Variants in LRRTM4 observed in about 807,000 individuals in gnomAD.
LRRTM4 encodes leucine rich repeat transmembrane neuronal 4, also known as leucine-rich repeat transmembrane neuronal protein 4.
A neutral mutation model predicts 47.6 loss-of-function variants in LRRTM4; 25 were observed. The observed-to-expected ratio is 0.53, with a 90% CI of 0.38 to 0.73. The LOEUF (loss-of-function observed/expected upper bound fraction) is 0.73, where lower values mean the gene tolerates loss of function less well. Among genes scored for constraint, LRRTM4 ranks in the 30% least tolerant of loss-of-function variants. The probability of loss-of-function intolerance (pLI) is 0.00; values close to 1 mark genes in which losing one functional copy is unlikely to be tolerated. For synonymous variants in LRRTM4, 311 were observed against 269.5 expected, an observed-to-expected ratio of 1.15 and a Z score of -1.51; for missense variants, 638 against 713.4, an observed-to-expected ratio of 0.89 and a Z score of 1.20.
intron 3 of LRRTM4, among the ~76,000 whole-genome samples, chr2:77,063,509 C>CT (rs1218816369): frequency 5.9e-5 from 9 of 152,116 alleles, no homozygotes; most frequent in Non-Finnish European, 7.4e-5. Flanking sequence ...AAAAATAGAG[C>CT]TTTTTTTAAT....
intron 3 of LRRTM4, among the ~76,000 whole-genome samples, chr2:76,891,416 T>C (rs1673250798): frequency 1.3e-5 from 2 of 151,798 alleles, no homozygotes; most frequent in South Asian, 4.1e-4. Flanking sequence ...TTAAGTATTT[T>C]AGCAATCGGA....
intron 3 of LRRTM4, among the ~76,000 whole-genome samples, chr2:77,474,979 A>G (rs1224508922): frequency 6.6e-6 from 1 of 152,094 alleles, no homozygotes; most frequent in African/African-American, 2.4e-5. Context: ...CACATGTCCA[A>G]ACTCCACTTC....
intron 3 of LRRTM4, among the ~76,000 whole-genome samples, chr2:77,319,301 C>A (rs1044665656): frequency 2.0e-5 from 3 of 151,914 alleles, no homozygotes; most frequent in African/African-American, 7.3e-5. Context: ...ACAGGAGAAT[C>A]GCTTGAACCC....
Position 77,049,622 on chromosome 2 carries a change from C to A in LRRTM4, c.1552-300706G>T, listed in dbSNP as rs186934269. ...GGAAATGTCCTCTCACCTTATTTGC[C>A]CATTTTTAAATTAAATTAATTTTTT... On this transcript the variant is annotated intron_variant, in intron 3 of 3. Coordinates refer to ENST00000409884, the MANE Select transcript of LRRTM4 (RefSeq NM_001134745.3). Among the ~76,000 whole-genome samples, 733 of 149,606 alleles carry A rather than the reference C, an allele frequency of 4.9e-3. 4 individuals carry two copies. Among genetic ancestry groups the A allele is most frequent in the Non-Finnish European group, 6.7e-3 (454 of 67,272 alleles).
intron 3 of LRRTM4, among the ~76,000 whole-genome samples, chr2:77,196,141 G>A (rs1165207307): frequency 6.6e-6 from 1 of 152,148 alleles, no homozygotes; most frequent in Non-Finnish European, 1.5e-5. Flanking sequence ...TAAGACGGTG[G>A]AAGTGAAGAG....
Position 77,019,575 on chromosome 2 carries a change from G to A in LRRTM4, c.1552-270659C>T, listed in dbSNP as rs544796880. Among the ~76,000 whole-genome samples, 9 of 152,124 alleles carry A rather than the reference G, an allele frequency of 5.9e-5. No homozygotes were observed. In the South Asian group the frequency reaches 1.7e-3, roughly 28 times the overall value. On this transcript the variant is annotated intron_variant, in intron 3 of 3. Coordinates refer to ENST00000409884, the MANE Select transcript of LRRTM4 (RefSeq NM_001134745.3). The stretch of plus-strand genomic sequence containing the variant: ...AATTTAAATCCTTAGCACAATACCT[G>A]GCACACAGTAATTGCTTAAAATGGT...
At chr2:77,441,425 A>C (rs1675837678) in intron 3 of LRRTM4, among the ~76,000 whole-genome samples, 5 of 152,174 alleles carry the variant, frequency 3.3e-5, no homozygotes, top group Admixed American at 3.3e-4. Context: ...TTCCTTATTT[A>C]ATGCTTACAA....
chr2:77,336,050 T>G (rs1332879592), intron 3 of LRRTM4, among the ~76,000 whole-genome samples: 1 of 151,236 alleles, frequency 6.6e-6, no homozygotes, highest in Non-Finnish European at 1.5e-5. Context: ...AAACTACTGA[T>G]CCAGTAGTTT....
intron 3 of LRRTM4, among the ~76,000 whole-genome samples, chr2:76,912,879 G>A (rs868652951): frequency 6.6e-5 from 10 of 152,160 alleles, no homozygotes; most frequent in African/African-American, 2.2e-4. Flanking sequence ...AAGTTTGGAA[G>A]CTTCCTGAGG....
At chr2:77,165,927 T>A (rs1672871571) in intron 3 of LRRTM4, among the ~76,000 whole-genome samples, 2 of 152,220 alleles carry the variant, frequency 1.3e-5, no homozygotes, top group South Asian at 4.2e-4. Context: ...CTCTCACCAC[T>A]CCTAGTCAAC....
chr2:77,265,530 C>T (rs1182297485), intron 3 of LRRTM4, among the ~76,000 whole-genome samples: 2 of 152,110 alleles, frequency 1.3e-5, no homozygotes, highest in African/African-American at 4.8e-5. Flanking sequence ...GGATCTTGAA[C>T]TTCCCAGCCT....
chr2:77,214,229 G>A (rs567172380), intron 3 of LRRTM4, among the ~76,000 whole-genome samples: 42 of 152,180 alleles, frequency 2.8e-4, no homozygotes, highest in African/African-American at 8.7e-4. Context: ...ATGAATGCAC[G>A]GGACAAAGTT....
At chr2:77,023,936 G>C (rs1678361293) in intron 3 of LRRTM4, among the ~76,000 whole-genome samples, 1 of 152,012 alleles carries the variant, frequency 6.6e-6, no homozygotes, top group African/African-American at 2.4e-5. Context: ...TGCTGATAAA[G>C]ACGTACCCAA....
Position 77,519,911 on chromosome 2 carries a change from A to C in LRRTM4, c.5-47T>G. 6.7e-7 allele frequency: 1 copy of C among 1,494,976 alleles called. No individual in the cohort carries two copies. Among genetic ancestry groups the C allele is most frequent in the Non-Finnish European group, 8.9e-7 (1 of 1,121,188 alleles). The allele number at this position is 1,494,976 out of a possible 1,614,324, so 92.6% of individuals were successfully genotyped here. On this transcript the variant is annotated intron_variant, in intron 2 of 3. Coordinates refer to ENST00000409884, the MANE Select transcript of LRRTM4 (RefSeq NM_001134745.3). This position sits in a 1 kb window ranked among gnomAD's most constrained non-coding sequence, Gnocchi z 4.6. ...AGATGCACATTGTGAAGCTATTAAAATAAATCACCGTCGGTTTACCAACAA... is the reference window on the plus strand; with the variant it reads ...AGATGCACATTGTGAAGCTATTAAACTAAATCACCGTCGGTTTACCAACAA...
intron 3 of LRRTM4, among the ~76,000 whole-genome samples, chr2:77,094,841 CAG>C (rs773327639): frequency 3.5e-4 from 54 of 152,180 alleles, no homozygotes; most frequent in African/African-American, 7.2e-4. Flanking sequence ...TAGAAGAAAA[CAG>C]GGGAAAAGCT....
At chr2:77,495,767 T>C (rs1418352953) in intron 3 of LRRTM4, among the ~76,000 whole-genome samples, 1 of 152,076 alleles carries the variant, frequency 6.6e-6, no homozygotes, top group Non-Finnish European at 1.5e-5. Context: ...CCACATTGTT[T>C]TACATACCAA....
intron 3 of LRRTM4, among the ~76,000 whole-genome samples, chr2:77,503,644 A>C (rs1259820234): frequency 6.6e-6 from 1 of 151,560 alleles, no homozygotes; most frequent in Admixed American, 6.6e-5. Context: ...GGAGAGACAG[A>C]GAGAGAATAT....
chr2:76,912,632 T>C (rs1199798174), intron 3 of LRRTM4, among the ~76,000 whole-genome samples: 1 of 152,200 alleles, frequency 6.6e-6, no homozygotes, highest in East Asian at 1.9e-4. Flanking sequence ...TGGATCTGTG[T>C]CCTCACCCAA....
chr2:77,075,115 A>C (rs1680288553), intron 3 of LRRTM4, among the ~76,000 whole-genome samples: 1 of 152,206 alleles, frequency 6.6e-6, no homozygotes. Context: ...GCTTTCCTAC[A>C]TAGTAGATAA....
Sources: allele counts gnomAD v4.1 joint callset (sites outside exome capture counted in the v4.1 genomes callset), GRCh38; gene constraint gnomAD v4.1.1; non-coding constraint Gnocchi (gnomAD v3.1); transcripts MANE v1.5; gene names NCBI Gene and HGNC (gene_info 2026-07-23, HGNC 2026-07-21).